NEURL1: variants seen among roughly 807,000 people sequenced by gnomAD.
NEURL1 encodes neuralized E3 ubiquitin protein ligase 1.
A neutral mutation model predicts 41.2 loss-of-function variants in NEURL1; 26 were observed. The observed-to-expected ratio is 0.63, with a 90% confidence interval of 0.46 to 0.87. The LOEUF (loss-of-function observed/expected upper bound fraction) is 0.87. Ranked by LOEUF, NEURL1 falls within the 40% of genes least tolerant of loss-of-function variation. The pLI is 0.00. For missense variants in NEURL1, 761 were observed against 871.1 expected, an observed-to-expected ratio of 0.87 and a Z score of 1.59; for synonymous variants, 400 against 402.3, an observed-to-expected ratio of 0.99 and a Z score of 0.07.
At chr10:103,527,672 G>A (rs1041663180) in intron 1 of NEURL1, among the ~76,000 whole-genome samples, 1 of 152,100 alleles carries the variant, frequency 6.6e-6, no homozygotes, top group African/African-American at 2.4e-5. Context: ...GACTAAGAAT[G>A]CCTAACCTCC....
intron 1 of NEURL1, among the ~76,000 whole-genome samples, chr10:103,531,953 CTATT>C (rs1357975533): frequency 6.6e-6 from 1 of 152,176 alleles, no homozygotes; most frequent in African/African-American, 2.4e-5. Context: ...GACCTTGTCT[CTATT>C]TACCATTTTG....
chr10:103,561,698 T>C (rs956035717), intron 1 of NEURL1, among the ~76,000 whole-genome samples: 4 of 152,212 alleles, frequency 2.6e-5, no homozygotes, highest in East Asian at 1.9e-4. Context: ...GCTGTTCCCA[T>C]AGACACCTGC....
At chr10:103,501,995 G>C (rs959425143) in intron 1 of NEURL1, among the ~76,000 whole-genome samples, 2 of 152,108 alleles carry the variant, frequency 1.3e-5, no homozygotes, top group Non-Finnish European at 2.9e-5. Flanking sequence ...TCAAACTCCC[G>C]GGCTCAAGCG....
At chr10:103,503,677 C>A (rs2033876866) in intron 1 of NEURL1, among the ~76,000 whole-genome samples, 1 of 152,038 alleles carries the variant, frequency 6.6e-6, no homozygotes, top group South Asian at 2.1e-4. Context: ...TTCCAGCTTA[C>A]CCTTTAGTGG....
intron 4 of NEURL1, among the ~76,000 whole-genome samples, chr10:103,586,541 TAGATA>T (rs1314875668): frequency 6.6e-6 from 1 of 152,152 alleles, no homozygotes; most frequent in Non-Finnish European, 1.5e-5. Flanking sequence ...GGAGGCTTGA[TAGATA>T]AGATAATGTG....
At chr10:103,505,553 C>T (rs1311621788) in intron 1 of NEURL1, among the ~76,000 whole-genome samples, 1 of 152,080 alleles carries the variant, frequency 6.6e-6, no homozygotes. Context: ...TTTGTAGAGA[C>T]AGGATGTCAC....
rs1249851282 is a variant in NEURL1 at position 103,566,286 on chromosome 10, A to G, written c.86-4586A>G. 6.6e-6 allele frequency among the ~76,000 whole-genome samples: 1 copy of G among 152,090 alleles called. No homozygotes were observed. The highest frequency in any genetic ancestry group is 1.5e-5 in the Non-Finnish European group (1 of 68,020). ...TTATTTTTATCTGTACAACGAGATG[A>G]GGTCTCACGGTGTTGTCCAGGCTAA... On this transcript the variant is annotated intron_variant, in intron 1 of 5. Transcript: ENST00000369780. The surrounding 1 kb of genome is among the most constrained non-coding windows in gnomAD (Gnocchi z 4.2).
At chr10:103,586,421 G>T (rs1425385944) in intron 4 of NEURL1, among the ~76,000 whole-genome samples, 1 of 152,148 alleles carries the variant, frequency 6.6e-6, no homozygotes, top group Non-Finnish European at 1.5e-5. Context: ...TTTTAATTCG[G>T]TAGACCTTGG....
At chr10:103,509,259 G>T (rs921637949) in intron 1 of NEURL1, among the ~76,000 whole-genome samples, 1 of 149,510 alleles carries the variant, frequency 6.7e-6, no homozygotes, top group Non-Finnish European at 1.5e-5. Flanking sequence ...AAAAGAGAAA[G>T]AAACCAAATA....
At chr10:103,575,886 C>G (rs1355579483) in intron 3 of NEURL1, among the ~76,000 whole-genome samples, 1 of 152,222 alleles carries the variant, frequency 6.6e-6, no homozygotes, top group African/African-American at 2.4e-5. Flanking sequence ...AAAAGAAGCT[C>G]CTATCCCAGT....
At chr10:103,538,858 G>T (rs1364284671) in intron 1 of NEURL1, among the ~76,000 whole-genome samples, 1 of 151,370 alleles carries the variant, frequency 6.6e-6, no homozygotes, top group Non-Finnish European at 1.5e-5. Context: ...TATTGGTCAG[G>T]CTGGTCTTGA....
rs151014021 is a variant in NEURL1, at chr10:103,575,422, C to T, written c.649+3600C>T. Among the ~76,000 whole-genome samples, 1,210 of 152,308 alleles carry T rather than the reference C, an allele frequency of 7.9e-3. 6 individuals carry two copies. The highest frequency in any genetic ancestry group is 0.012 in the Non-Finnish European group (846 of 68,038). On this transcript the variant is annotated intron_variant, in intron 3 of 5. Transcript: ENST00000369780. ...TTTGGGGATTTTCTGCCAGGCCTGC[C>T]CCTGCCCCCTTTGTCTGAAGCCTGT...
Position 103,589,462 on chromosome 10 carries a change from G to T in NEURL1, c.1340-52G>T. 3 of 1,533,086 alleles carry T rather than the reference G, an allele frequency of 2.0e-6. No individual in the cohort carries two copies. The South Asian group carries it at 3.9e-5, about 20-fold the overall frequency. The allele number at this position is 1,533,086 out of a possible 1,614,324, so 95.0% of individuals were successfully genotyped here. ...ACTGTGAGGGACAGAGCTTTCTCCAGTTTGGCCTGGGCAGGCAGCTAGTGT... is the reference window on the plus strand; with the variant it reads ...ACTGTGAGGGACAGAGCTTTCTCCATTTTGGCCTGGGCAGGCAGCTAGTGT... On this transcript the variant is annotated intron_variant, in intron 4 of 5. Transcript: ENST00000369780.
chr10:103,498,190 C>T (rs1057267707), intron 1 of NEURL1, among the ~76,000 whole-genome samples: 5 of 152,166 alleles, frequency 3.3e-5, no homozygotes, highest in African/African-American at 9.7e-5. Flanking sequence ...TCCTCCTTGC[C>T]CAGGTCTTTC....
At chr10:103,517,245 T>G (rs1311478323) in intron 1 of NEURL1, 1 of 152,738 alleles carries the variant, frequency 6.5e-6, no homozygotes, top group Non-Finnish European at 1.5e-5. Context: ...GAGGCTGGTC[T>G]TGAACTCCTA....
At chr10:103,551,735 C>A (rs973259489) in intron 1 of NEURL1, among the ~76,000 whole-genome samples, 4 of 152,190 alleles carry the variant, frequency 2.6e-5, no homozygotes, top group African/African-American at 4.8e-5. Flanking sequence ...GAGAGGGAAG[C>A]CTCAGACACA....
At chr10:103,541,628 G>T (rs1391364238) in intron 1 of NEURL1, among the ~76,000 whole-genome samples, 1 of 152,106 alleles carries the variant, frequency 6.6e-6, no homozygotes, top group East Asian at 1.9e-4. Context: ...CCACAGCTGG[G>T]GCCATCAGTC....
intron 1 of NEURL1, among the ~76,000 whole-genome samples, chr10:103,568,817 T>G (rs1404423315): frequency 1.0e-5 from 1 of 99,188 alleles, no homozygotes; most frequent in Non-Finnish European, 2.1e-5. Flanking sequence ...TTGTTTTTTG[T>G]TTTTGTTTTT....
intron 1 of NEURL1, among the ~76,000 whole-genome samples, chr10:103,511,295 G>A (rs931703988): frequency 4.6e-5 from 7 of 152,182 alleles, no homozygotes; most frequent in African/African-American, 1.7e-4. Flanking sequence ...GGGACCCCCA[G>A]GCCCCCTCTC....
Sources: allele counts gnomAD v4.1 joint callset (sites outside exome capture counted in the v4.1 genomes callset), GRCh38; gene constraint gnomAD v4.1.1; non-coding constraint Gnocchi (gnomAD v3.1); transcripts MANE v1.5; gene names NCBI Gene and HGNC (gene_info 2026-07-23, HGNC 2026-07-21).